MYRIP: variants seen among roughly 807,000 people sequenced by gnomAD.
The protein encoded by MYRIP is myosin VIIA and Rab interacting protein, also known as rab effector MyRIP.
Under a neutral mutation model 98.0 loss-of-function variants are expected in MYRIP, and 49 were observed. The ratio of observed to expected loss-of-function variants is 0.50; its 90% CI spans 0.40 to 0.63. The LOEUF (loss-of-function observed/expected upper bound fraction) is 0.63, where lower values mean the gene tolerates loss of function less well. Among genes scored for constraint, MYRIP ranks in the 30% least tolerant of loss-of-function variants. The pLI is 0.00. For missense variants in MYRIP, 1,004 were observed against 1,058.2 expected (o/e 0.95, Z 0.71); for synonymous variants, 404 against 409.5 (o/e 0.99, Z 0.16).
intron 10 of MYRIP, among the ~76,000 whole-genome samples, chr3:40,201,133 T>A (rs988090137): frequency 6.6e-6 from 1 of 152,110 alleles, no homozygotes; most frequent in Admixed American, 6.6e-5. Context: ...ATTGCAAAAA[T>A]TCAAAAAAAT....
chr3:39,946,731 C>T (rs1944912388), intron 2 of MYRIP, among the ~76,000 whole-genome samples: 1 of 152,160 alleles, frequency 6.6e-6, no homozygotes, highest in Non-Finnish European at 1.5e-5. Flanking sequence ...TAAGCAACAC[C>T]TTCCTTTCAG....
intron 1 of MYRIP, among the ~76,000 whole-genome samples, chr3:39,849,984 C>T (rs190017948): frequency 2.0e-5 from 3 of 152,304 alleles, no homozygotes; most frequent in East Asian, 3.9e-4. Flanking sequence ...ATGGTCACCA[C>T]GACATGCCTG....
chr3:39,910,741 TTTTA>T (rs1260573060), intron 2 of MYRIP, among the ~76,000 whole-genome samples: 1 of 152,206 alleles, frequency 6.6e-6, no homozygotes, highest in Non-Finnish European at 1.5e-5. Flanking sequence ...TACTAGAAAG[TTTTA>T]AATTATATAT....
intron 2 of MYRIP, among the ~76,000 whole-genome samples, chr3:39,943,980 C>G (rs1170140310): frequency 6.6e-6 from 1 of 151,894 alleles, no homozygotes; most frequent in Non-Finnish European, 1.5e-5. Context: ...TAAAACAGGG[C>G]CCATTTGACT....
chr3:39,867,689 A>C (rs1318753903), intron 1 of MYRIP, among the ~76,000 whole-genome samples: 1 of 152,188 alleles, frequency 6.6e-6, no homozygotes, highest in Non-Finnish European at 1.5e-5. Context: ...ATCCATGTGC[A>C]CTGTTATTGG....
intron 3 of MYRIP, among the ~76,000 whole-genome samples, chr3:40,093,481 A>G (rs1948766117): frequency 6.6e-6 from 1 of 152,178 alleles, no homozygotes; most frequent in Admixed American, 6.5e-5. Flanking sequence ...TCATGCCCAG[A>G]TTCTCTAGTT....
chr3:39,933,788 A>G (rs1174118045), intron 2 of MYRIP, among the ~76,000 whole-genome samples: 1 of 152,220 alleles, frequency 6.6e-6, no homozygotes, highest in East Asian at 1.9e-4. Flanking sequence ...GCTAGAGACT[A>G]CATTCATTTA....
At chr3:39,861,384 A>G (rs1942465268) in intron 1 of MYRIP, among the ~76,000 whole-genome samples, 1 of 152,230 alleles carries the variant, frequency 6.6e-6, no homozygotes, top group Non-Finnish European at 1.5e-5. Flanking sequence ...ATCAGCCCAC[A>G]AAGATGTGAA....
chr3:39,835,588 C>G (rs911284599), intron 1 of MYRIP, among the ~76,000 whole-genome samples: 3 of 139,310 alleles, frequency 2.2e-5, no homozygotes, highest in African/African-American at 2.8e-5. Flanking sequence ...TGAAGGCACA[C>G]TATAAGTAAG....
chr3:40,210,819 C>G (rs530765094), intron 11 of MYRIP, among the ~76,000 whole-genome samples: 2 of 152,166 alleles, frequency 1.3e-5, no homozygotes, highest in Admixed American at 1.3e-4. Flanking sequence ...TAAAAGAATC[C>G]CACACTCCCT....
chr3:40,180,311 T>C (rs892983744), intron 8 of MYRIP, among the ~76,000 whole-genome samples: 2 of 152,248 alleles, frequency 1.3e-5, no homozygotes, highest in Non-Finnish European at 2.9e-5. Flanking sequence ...AAACTCATTT[T>C]GTAACCATTC....
chr3:39,996,100 G>C (rs868424603), intron 2 of MYRIP, among the ~76,000 whole-genome samples: 4 of 152,152 alleles, frequency 2.6e-5, no homozygotes, highest in South Asian at 2.1e-4. Flanking sequence ...AAAGACCATC[G>C]AGGCTAGGAA....
intron 2 of MYRIP, among the ~76,000 whole-genome samples, chr3:39,935,344 CAGTT>C (rs1318518031): frequency 6.6e-6 from 1 of 152,112 alleles, no homozygotes; most frequent in African/African-American, 2.4e-5. Context: ...GTAAATATGA[CAGTT>C]GGTGCTCAGG....
Position 40,210,057 on chromosome 3 carries a change from A to G in MYRIP, c.1869A>G (p.Glu623=), listed in dbSNP as rs751300567. Residue 623 remains glutamate (E), a synonymous_variant, in exon 11 of 17, where the codon GAA becomes GAG. Transcript: ENST00000302541. Reference sequence around the variant, plus strand: ...ACCAGAAGGAAAGTCTGTCCTCTGAAGACAACAGCCAGAGTGTCCAGGAAG... The same window carrying G: ...ACCAGAAGGAAAGTCTGTCCTCTGAGGACAACAGCCAGAGTGTCCAGGAAG... ...SENQKESLSS[E]DNSQSVQEEL... The G allele has an allele frequency of 6.2e-7, 1 of 1,614,042 alleles. No homozygotes were observed. The highest frequency in any genetic ancestry group is 2.2e-5 in the East Asian group (1 of 44,886).
rs144169635 is a variant in MYRIP at position 39,852,560 on chromosome 3, C to A, written c.-31+42644C>A. Among the ~76,000 whole-genome samples the A allele has an allele frequency of 2.1e-3, 313 of 152,176 alleles. 4 individuals carry two copies. The highest frequency in any genetic ancestry group is 0.019 in the East Asian group (97 of 5,168). On this transcript the variant is annotated intron_variant, in intron 1 of 16. Transcript: ENST00000302541. ...CCCACTCCCCCCTTCCCCCTGAGTC[C>A]CCAAAGTCCTTTATATCATTCTTAT...
intron 3 of MYRIP, among the ~76,000 whole-genome samples, chr3:40,061,843 A>G (rs1029079220): frequency 2.6e-5 from 4 of 152,180 alleles, no homozygotes; most frequent in African/African-American, 7.2e-5. Flanking sequence ...GCATTTCTCT[A>G]ATGATCAGTG....
intron 3 of MYRIP, among the ~76,000 whole-genome samples, chr3:40,108,364 G>A (rs936548065): frequency 1.3e-5 from 2 of 148,712 alleles, no homozygotes; most frequent in African/African-American, 4.9e-5. Flanking sequence ...GATGGGGTCT[G>A]TAGGGGTCTT....
At chr3:40,184,648 G>A (rs1447397928) in intron 9 of MYRIP, among the ~76,000 whole-genome samples, 1 of 149,426 alleles carries the variant, frequency 6.7e-6, no homozygotes, top group African/African-American at 2.6e-5. Context: ...TGATAAATGT[G>A]TAGGATATTA....
At chr3:39,950,901 G>A (rs138363594) in intron 2 of MYRIP, among the ~76,000 whole-genome samples, 5 of 152,206 alleles carry the variant, frequency 3.3e-5, no homozygotes, top group East Asian at 1.9e-4. Context: ...CAAAATCTTG[G>A]CATTCTTTTA....
Sources: allele counts gnomAD v4.1 joint callset (sites outside exome capture counted in the v4.1 genomes callset), GRCh38; gene constraint gnomAD v4.1.1; transcripts MANE v1.5; gene names NCBI Gene and HGNC (gene_info 2026-07-23, HGNC 2026-07-21).